LRBA: variants seen among roughly 807,000 people sequenced by gnomAD.
LRBA encodes LPS responsive beige-like anchor protein.
A neutral mutation model predicts 330.0 loss-of-function variants in LRBA; 176 were observed. That is an observed-to-expected ratio of 0.53 (90% CI 0.47 to 0.60). The LOEUF (loss-of-function observed/expected upper bound fraction) is 0.60. Ranked by LOEUF, LRBA falls within the 20% of genes least tolerant of loss-of-function variation. The pLI is 0.00. For synonymous variants in LRBA, 1,230 were observed against 1,193.0 expected (o/e 1.03, Z -0.64); for missense variants, 3,259 against 3,444.8 (o/e 0.95, Z 1.35).
chr4:150,891,107 T>C (rs72963606), intron 17 of LRBA, among the ~76,000 whole-genome samples: 8 of 152,296 alleles, frequency 5.3e-5, no homozygotes, highest in African/African-American at 1.9e-4. Flanking sequence ...AGATAGGAAA[T>C]GTGTACAAAG....
chr4:151,004,677 G>A (rs1743799478), intron 2 of LRBA, among the ~76,000 whole-genome samples: 1 of 152,206 alleles, frequency 6.6e-6, no homozygotes, highest in African/African-American at 2.4e-5. Flanking sequence ...TATATTAGAA[G>A]ATAAATCTGT....
chr4:150,379,663 ATACATCCTGATGACAAATGAATAGTGC>A (rs1741901820), intron 47 of LRBA, among the ~76,000 whole-genome samples: 1 of 152,246 alleles, frequency 6.6e-6, no homozygotes, highest in African/African-American at 2.4e-5. Flanking sequence ...AACTCATAGC[ATACATCCTGATGACAAATGAATAGTGC>A]TATTTTCTTT....
chr4:150,288,665 A>G (rs1001892429), intron 53 of LRBA, among the ~76,000 whole-genome samples: 11 of 151,864 alleles, frequency 7.2e-5, no homozygotes, highest in African/African-American at 2.7e-4. Flanking sequence ...AAGGCTGTAC[A>G]TTCCACAAAA....
chr4:150,684,868 G>C (rs763311368), intron 36 of LRBA, among the ~76,000 whole-genome samples: 2 of 151,960 alleles, frequency 1.3e-5, no homozygotes, highest in Admixed American at 6.6e-5. Flanking sequence ...TACCAGTTTC[G>C]ATAGATTGCT....
At chr4:150,660,527 G>A (rs1388135023) in intron 37 of LRBA, among the ~76,000 whole-genome samples, 3 of 151,322 alleles carry the variant, frequency 2.0e-5, no homozygotes, top group African/African-American at 7.2e-5. Flanking sequence ...TCCGGGAGGT[G>A]AGGGGCGCCT....
At position 150,542,306 on chromosome 4, in the gene LRBA, A is replaced by C. The variant is rs994718103; in HGVS notation, c.6330+45742T>G. On this transcript the variant is annotated intron_variant, in intron 40 of 56. Transcript: ENST00000651943. Reference sequence around the variant, plus strand: ...AGCTCTAGCAATGCTGGGCAAACTAATTAATTTCTCTTAGCTCATTCAGCT... The same window carrying C: ...AGCTCTAGCAATGCTGGGCAAACTACTTAATTTCTCTTAGCTCATTCAGCT... Among the ~76,000 whole-genome samples, 5 of 152,234 alleles carry C rather than the reference A, an allele frequency of 3.3e-5. No individual in the cohort carries two copies. The South Asian group carries it at 6.2e-4, about 19-fold the overall frequency.
intron 31 of LRBA, among the ~76,000 whole-genome samples, chr4:150,809,854 C>CGATACGATACGATAT (rs1743371709): frequency 1.7e-4 from 1 of 6,052 alleles, no homozygotes; most frequent in African/African-American, 9.0e-4. Context: ...TCTTAAAATA[C>CGATACGATACGATAT]GATACGATAC....
chr4:150,294,823 C>G (rs1402607860), intron 53 of LRBA, among the ~76,000 whole-genome samples: 1 of 152,090 alleles, frequency 6.6e-6, no homozygotes, highest in East Asian at 1.9e-4. Flanking sequence ...GCGCTGGCGC[C>G]CACATGTAGT....
rs1002015795 is a variant in LRBA at position 150,806,287 on chromosome 4, C to T, written c.5502G>A (p.Leu1834=). Residue 1834 remains leucine (L), a synonymous_variant, in exon 33 of 57, where the codon CTG becomes CTA. Coordinates refer to ENST00000651943, the MANE Select transcript of LRBA (RefSeq NM_001364905.1). ...ACCACTTACTTGTTCCTTCTATAAG[C>T]AGTTCTTGTCCATGGCTACCCAAAA... ...RTLLGSHGQE[L]LIEGTSLVCM... is the part of the protein sequence containing the mutation. 4.4e-6 allele frequency: 7 copies of T among 1,589,122 alleles called. No individual in the cohort carries two copies. Among genetic ancestry groups the T allele is most frequent in the East Asian group, 4.6e-5 (2 of 43,570 alleles).
intron 47 of LRBA, among the ~76,000 whole-genome samples, chr4:150,364,086 G>A (rs747877885): frequency 3.9e-5 from 6 of 152,108 alleles, no homozygotes; most frequent in South Asian, 2.1e-4. Flanking sequence ...ATCTTTCAAG[G>A]TTTTATTTTC....
intron 2 of LRBA, among the ~76,000 whole-genome samples, chr4:150,950,909 G>C (rs548776672): frequency 6.6e-6 from 1 of 152,182 alleles, no homozygotes; most frequent in Non-Finnish European, 1.5e-5. Context: ...TGTGAGCTAA[G>C]TCAGGCCAAT....
intron 35 of LRBA, among the ~76,000 whole-genome samples, chr4:150,756,813 A>G (rs1314494781): frequency 6.6e-6 from 1 of 152,138 alleles, no homozygotes; most frequent in African/African-American, 2.4e-5. Context: ...AGAGACTCTA[A>G]AAGGTGGCTT....
chr4:150,898,864 T>C (rs1240899334), intron 14 of LRBA, among the ~76,000 whole-genome samples: 1 of 152,186 alleles, frequency 6.6e-6, no homozygotes, highest in Non-Finnish European at 1.5e-5. Flanking sequence ...CCTTGCCAGC[T>C]TAAAAAGTTC....
chr4:150,389,847 CG>C (rs56370010), intron 47 of LRBA, among the ~76,000 whole-genome samples: 32,701 of 150,126 alleles, frequency 0.22, 4,365 homozygotes, highest in Non-Finnish European at 0.31. Flanking sequence ...TCAGTGTTGT[CG>C]GCAACAAATG....
At chr4:150,645,429 A>G (rs1445982088) in intron 37 of LRBA, among the ~76,000 whole-genome samples, 1 of 151,960 alleles carries the variant, frequency 6.6e-6, no homozygotes, top group Non-Finnish European at 1.5e-5. Flanking sequence ...TTTCTGTGCT[A>G]TTAAAAGTTA....
chr4:150,689,341 A>G (rs769670673), intron 36 of LRBA, among the ~76,000 whole-genome samples: 3 of 152,132 alleles, frequency 2.0e-5, no homozygotes, highest in Non-Finnish European at 4.4e-5. Flanking sequence ...GATAGCATTA[A>G]GAGAAATACC....
In LRBA at chr4:150,953,895, G is replaced by A. The variant is rs571320696; in HGVS notation, c.217-24830C>T. Among the ~76,000 whole-genome samples the A allele has an allele frequency of 3.6e-3, 549 of 150,652 alleles. 1 individual carries two copies. The highest frequency in any genetic ancestry group is 5.5e-3 in the Admixed American group (84 of 15,166). ...AAGTGAGGAGCGCCTCTTCCCGGCC[G>A]TCATCCCGTCTAGGAAGTGAGGAGC... is the stretch of plus-strand genomic sequence containing the variant. On this transcript the variant is annotated intron_variant, in intron 2 of 56. Coordinates refer to ENST00000651943, the MANE Select transcript of LRBA (RefSeq NM_001364905.1).
chr4:150,443,847 T>TTAA (rs1554027866), intron 44 of LRBA, among the ~76,000 whole-genome samples: 62 of 53,708 alleles, frequency 1.2e-3, no homozygotes, highest in African/African-American at 3.0e-3. Flanking sequence ...AAAGTATAAT[T>TTAA]AAAAAAATAT....
chr4:150,949,780 T>A (rs1023925317), intron 2 of LRBA, among the ~76,000 whole-genome samples: 1 of 151,902 alleles, frequency 6.6e-6, no homozygotes, highest in Non-Finnish European at 1.5e-5. Context: ...TAAGTTCAAA[T>A]TCTGAAGCCA....
Sources: gnomAD v4.1 joint callset for allele counts (sites outside exome capture counted in the v4.1 genomes callset) on GRCh38, gnomAD v4.1.1 for gene constraint, MANE v1.5 for transcripts, NCBI Gene and HGNC (gene_info 2026-07-23, HGNC 2026-07-21) for gene names.